ITFG1: variants seen among roughly 807,000 people sequenced by gnomAD.
The protein encoded by ITFG1 is T-cell immunomodulatory protein.
A neutral mutation model predicts 81.8 loss-of-function variants in ITFG1; 34 were observed. The observed-to-expected ratio is 0.42, with a 90% CI of 0.32 to 0.55. The LOEUF is 0.55. Among genes scored for constraint, ITFG1 ranks in the 20% least tolerant of loss-of-function variants. The pLI is 0.17. For missense variants in ITFG1, 672 were observed against 755.4 expected, an observed-to-expected ratio of 0.89 and a Z score of 1.29; for synonymous variants, 285 against 270.6, an observed-to-expected ratio of 1.05 and a Z score of -0.52.
intron 6 of ITFG1, among the ~76,000 whole-genome samples, chr16:47,378,558 T>C (rs1020137160): frequency 6.6e-6 from 1 of 152,206 alleles, no homozygotes; most frequent in Non-Finnish European, 1.5e-5. Flanking sequence ...ATTTAAAGAA[T>C]TTAGGAACTA....
At chr16:47,410,297 AG>A (rs1447795325) in intron 6 of ITFG1, among the ~76,000 whole-genome samples, 1 of 152,166 alleles carries the variant, frequency 6.6e-6, no homozygotes, top group African/African-American at 2.4e-5. Context: ...ACCCTCTAAT[AG>A]AAAAATGGGC....
chr16:47,205,890 G>A (rs1965492499), intron 14 of ITFG1, among the ~76,000 whole-genome samples: 1 of 139,612 alleles, frequency 7.2e-6, no homozygotes, highest in African/African-American at 2.7e-5. Flanking sequence ...CTATCTATCT[G>A]AGTCTAACTT....
intron 10 of ITFG1, among the ~76,000 whole-genome samples, chr16:47,272,775 G>C (rs2151546673): frequency 6.6e-6 from 1 of 151,996 alleles, no homozygotes; most frequent in East Asian, 1.9e-4. Flanking sequence ...TCTCAACAAA[G>C]TGGTTAATAC....
intron 12 of ITFG1, among the ~76,000 whole-genome samples, chr16:47,244,797 AGT>A (rs1965980163): frequency 6.6e-6 from 1 of 152,052 alleles, no homozygotes; most frequent in African/African-American, 2.4e-5. Flanking sequence ...GGAGAGGATC[AGT>A]GTCTCCTAAT....
chr16:47,274,343 C>G (rs1966375986), intron 10 of ITFG1, among the ~76,000 whole-genome samples: 1 of 152,028 alleles, frequency 6.6e-6, no homozygotes, highest in African/African-American at 2.4e-5. Context: ...AACAGAATTG[C>G]CCACCTTAAG....
At chr16:47,170,432 CT>C (rs370502887) in intron 14 of ITFG1, among the ~76,000 whole-genome samples, 359 of 142,674 alleles carry the variant, frequency 2.5e-3, no homozygotes, top group Middle Eastern at 7.2e-3. Flanking sequence ...CTAGGGAACA[CT>C]TTTTTTTTTT....
chr16:47,350,312 A>G (rs749601790), intron 8 of ITFG1, among the ~76,000 whole-genome samples: 16 of 152,246 alleles, frequency 1.1e-4, no homozygotes, highest in Admixed American at 6.5e-4. Flanking sequence ...TTGATAGACC[A>G]CTAGCAAGAC....
In ITFG1 at chr16:47,161,905, T is replaced by C. The variant is rs992994696; in HGVS notation, c.1579-73A>G. 16 of 928,814 alleles carry C rather than the reference T, an allele frequency of 1.7e-5. No individual in the cohort carries two copies. The African/African-American group carries it at 2.3e-4, about 13-fold the overall frequency. The allele number at this position is 928,814 out of a possible 1,614,324, so 57.5% of individuals were successfully genotyped here. A position where few individuals can be genotyped will look rare whatever the true frequency, so the allele number is the denominator to read the frequency against. On this transcript the variant is annotated intron_variant, in intron 15 of 17. Coordinates refer to ENST00000320640, the MANE Select transcript of ITFG1 (RefSeq NM_030790.5). ...CACAATTATTATTCTAAATAAATAATGAAAAATCTAGCTACTTTGAGAAAT... is the reference window on the plus strand; with the variant it reads ...CACAATTATTATTCTAAATAAATAACGAAAAATCTAGCTACTTTGAGAAAT...
intron 3 of ITFG1, among the ~76,000 whole-genome samples, chr16:47,453,033 G>A (rs1969408562): frequency 6.6e-6 from 1 of 152,184 alleles, no homozygotes; most frequent in African/African-American, 2.4e-5. Context: ...TTTGAGGTAT[G>A]CATCTAAATA....
intron 5 of ITFG1, among the ~76,000 whole-genome samples, chr16:47,450,626 G>A (rs982927284): frequency 5.3e-5 from 8 of 152,082 alleles, no homozygotes; most frequent in Non-Finnish European, 1.0e-4. Context: ...CCAAGTAGCT[G>A]GGAAAGACAG....
chr16:47,198,614 G>A (rs937255783), intron 14 of ITFG1, among the ~76,000 whole-genome samples: 1 of 152,084 alleles, frequency 6.6e-6, no homozygotes, highest in Non-Finnish European at 1.5e-5. Context: ...CAGGTAGGCC[G>A]TTCAGTAGGT....
At chr16:47,456,415 C>A (rs1484094345) in intron 2 of ITFG1, among the ~76,000 whole-genome samples, 1 of 151,934 alleles carries the variant, frequency 6.6e-6, no homozygotes, top group Non-Finnish European at 1.5e-5. Flanking sequence ...AGATGCCGGG[C>A]GCGGTGGCTC....
chr16:47,240,914 A>G (rs1255837209), intron 12 of ITFG1, among the ~76,000 whole-genome samples: 5 of 152,212 alleles, frequency 3.3e-5, no homozygotes, highest in Non-Finnish European at 5.9e-5. Context: ...TAATGGGTAT[A>G]GAGTTTCAGC....
chr16:47,214,844 C>T (rs774000639), intron 14 of ITFG1, among the ~76,000 whole-genome samples: 2 of 151,902 alleles, frequency 1.3e-5, no homozygotes, highest in Admixed American at 6.6e-5. Context: ...TGTTATTTCT[C>T]TCTGGCAGTG....
At chr16:47,183,187 G>A (rs1965156256) in intron 14 of ITFG1, among the ~76,000 whole-genome samples, 1 of 152,242 alleles carries the variant, frequency 6.6e-6, no homozygotes, top group African/African-American at 2.4e-5. Context: ...CTGCAAGGCG[G>A]CAGCGAGGCT....
intron 5 of ITFG1, among the ~76,000 whole-genome samples, chr16:47,433,770 AAT>A (rs59030134): frequency 0.015 from 1,807 of 124,366 alleles, 13 homozygotes; most frequent in Middle Eastern, 0.036. Context: ...ATAAAAACTG[AAT>A]ATATATATAT....
chr16:47,198,897 T>G (rs1293524784), intron 14 of ITFG1, among the ~76,000 whole-genome samples: 1 of 152,166 alleles, frequency 6.6e-6, no homozygotes, highest in Non-Finnish European at 1.5e-5. Flanking sequence ...GTCAAAAAAC[T>G]AAAAAAATTA....
At chr16:47,333,405 G>A (rs992138522) in intron 8 of ITFG1, among the ~76,000 whole-genome samples, 1 of 152,144 alleles carries the variant, frequency 6.6e-6, no homozygotes. Context: ...GGTTCATCCA[G>A]AATTAGAGAC....
Position 47,260,613 on chromosome 16 carries a change from A to G in ITFG1, c.1153T>C (p.Trp385Arg), listed in dbSNP as rs1966198032. The G allele has an allele frequency of 6.2e-7, 1 of 1,614,064 alleles. No individual in the cohort carries two copies. The highest frequency in any genetic ancestry group is 1.3e-5 in the African/African-American group (1 of 74,930). ...ATTTGATTTAGGTCTGTCAGCTCCC[A>G]GTAGACTTTAAACATTCGACGCGCC... is the stretch of plus-strand genomic sequence containing the variant. ...EEARRMFKVYWELTDLNQIKD... is the reference protein window; with the variant it reads ...EEARRMFKVYRELTDLNQIKD... The change falls in exon 11 of 18, where the codon TGG becomes CGG. Residue 385 changes from tryptophan (W) to arginine (R), a missense_variant. Physicochemically the swap from Trp to Arg is moderately radical, Grantham distance 101 (BLOSUM62 -3). Around this residue, in one of 3 missense-constraint regions of ITFG1, gnomAD observed 560 missense variants for 625.7 expected, o/e 0.90. Coordinates refer to ENST00000320640, the MANE Select transcript of ITFG1 (RefSeq NM_030790.5).
Sources: allele counts gnomAD v4.1 joint callset (sites outside exome capture counted in the v4.1 genomes callset), GRCh38; gene constraint gnomAD v4.1.1; regional missense constraint gnomAD v4.1.1; transcripts MANE v1.5; gene names NCBI Gene and HGNC (gene_info 2026-07-23, HGNC 2026-07-21).